The following CLTB variants were observed in gnomAD, a reference collection of about 807,000 sequenced individuals.
CLTB encodes the protein clathrin light chain B, also known as clathrin, light chain (Lcb).
In CLTB, 10 loss-of-function variants were observed where a neutral mutation model predicts 30.5. The observed-to-expected ratio is 0.33, with a 90% CI of 0.20 to 0.56. The LOEUF is 0.56. Ranked by LOEUF, CLTB falls within the 20% of genes least tolerant of loss-of-function variation. CLTB has a pLI of 0.91. For synonymous variants in CLTB, 102 were observed against 120.3 expected (o/e 0.85, Z 1.00); for missense variants, 261 against 308.3 (o/e 0.85, Z 1.15).
At chr5:176,409,320 A>G (rs957915325) in intron 2 of CLTB, among the ~76,000 whole-genome samples, 1 of 146,530 alleles carries the variant, frequency 6.8e-6, no homozygotes, top group Non-Finnish European at 1.5e-5. Context: ...AAAGGACCAT[A>G]CTGTGTATAT....
At chr5:176,410,107 T>A in intron 2 of CLTB, 150 bp downstream of exon 2, 1 of 663,192 alleles carries the variant, frequency 1.5e-6, no homozygotes, top group Non-Finnish European at 2.6e-6. Context: ...ACAAAAAAAA[T>A]TCCAAAAACC....
chr5:176,413,944 C>T lies in CLTB; in HGVS notation c.187+2233G>A, dbSNP rs143676041. Among the ~76,000 whole-genome samples, 810 of 152,304 alleles carry T rather than the reference C, an allele frequency of 5.3e-3. 8 individuals carry two copies. Among genetic ancestry groups the T allele is most frequent in the African/African-American group, 0.018 (742 of 41,552 alleles). ...AGCGAGCGTGTCATTGTTTCTCTCCCTGTCACCTCTGGTCTGAGGCCAATT... is the reference window on the plus strand; with the variant it reads ...AGCGAGCGTGTCATTGTTTCTCTCCTTGTCACCTCTGGTCTGAGGCCAATT... On this transcript the variant is annotated intron_variant, in intron 1 of 5. Coordinates refer to ENST00000310418, the MANE Select transcript of CLTB (RefSeq NM_007097.5).
intron 2 of CLTB, chr5:176,401,637 A>C (rs193202633): frequency 2.3e-6 from 1 of 435,818 alleles, no homozygotes. Context: ...GTCTATCAGA[A>C]AGGGCAGTGG....
At chr5:176,407,797 C>G (rs1757209286) in intron 2 of CLTB, among the ~76,000 whole-genome samples, 1 of 152,216 alleles carries the variant, frequency 6.6e-6, no homozygotes, top group South Asian at 2.1e-4. Context: ...AGACATGAAG[C>G]TGCTGAAGTC....
At chr5:176,398,123 C>A (rs888825894) in intron 2 of CLTB, 76 bp from the exon 3 acceptor site, 56 of 1,347,982 alleles carry the variant, frequency 4.2e-5, no homozygotes, top group Non-Finnish European at 5.8e-5. Flanking sequence ...GCTGGGGACC[C>A]ACTCATGTCT....
At chr5:176,410,732 A>G (rs1415837448) in intron 1 of CLTB, among the ~76,000 whole-genome samples, 1 of 152,112 alleles carries the variant, frequency 6.6e-6, no homozygotes. Flanking sequence ...CAGGGGCTAC[A>G]CTGGATAAGG....
At chr5:176,397,346 C>CT (rs746181119) in intron 4 of CLTB, among the ~76,000 whole-genome samples, 4 of 144,948 alleles carry the variant, frequency 2.8e-5, no homozygotes, top group Non-Finnish European at 3.0e-5. Context: ...GTCCCCACAG[C>CT]CCCTCTCATG....
intron 5 of CLTB, among the ~76,000 whole-genome samples, chr5:176,394,193 ATCCTCGGAGCTG>A (rs1158718247): frequency 6.6e-6 from 1 of 152,226 alleles, no homozygotes; most frequent in Non-Finnish European, 1.5e-5. Context: ...GAGGGGAGCT[ATCCTCGGAGCTG>A]TCCCTTCAGG....
chr5:176,403,713 A>C (rs1756957105), intron 2 of CLTB, among the ~76,000 whole-genome samples: 1 of 148,974 alleles, frequency 6.7e-6, no homozygotes, highest in African/African-American at 2.5e-5. Flanking sequence ...CAGCCTCCCA[A>C]AGTGCTGGGA....
chr5:176,410,723 A>G (rs59038460), intron 1 of CLTB, among the ~76,000 whole-genome samples: 33,267 of 152,046 alleles, frequency 0.22, 3,655 homozygotes, highest in South Asian at 0.3. Flanking sequence ...AGCTCAGGGC[A>G]GGGGCTACAC....
intron 2 of CLTB, among the ~76,000 whole-genome samples, chr5:176,410,006 A>G (rs1757347378): frequency 6.6e-6 from 1 of 152,124 alleles, no homozygotes; most frequent in Admixed American, 6.6e-5. Flanking sequence ...TCTCCCTCCC[A>G]AAACCAGACA....
intron 3 of CLTB, 96 bp downstream of exon 3, chr5:176,397,834 A>AT (rs1325651668): frequency 2.0e-6 from 3 of 1,470,770 alleles, no homozygotes; most frequent in Non-Finnish European, 2.9e-6. Context: ...CCAGTCCCAC[A>AT]TTAAGGCATG....
intron 2 of CLTB, among the ~76,000 whole-genome samples, chr5:176,408,308 T>C (rs1318114467): frequency 6.8e-6 from 1 of 147,146 alleles, no homozygotes; most frequent in Non-Finnish European, 1.5e-5. Context: ...CCGAGGTGGG[T>C]GGATCACTTG....
intron 2 of CLTB, among the ~76,000 whole-genome samples, chr5:176,409,484 G>A (rs1757314972): frequency 7.6e-6 from 1 of 130,794 alleles, no homozygotes; most frequent in Non-Finnish European, 1.5e-5. Context: ...CACAATCTCA[G>A]CTCACTGCAA....
chr5:176,405,291 C>G (rs995959811), intron 2 of CLTB, among the ~76,000 whole-genome samples: 12 of 151,980 alleles, frequency 7.9e-5, no homozygotes, highest in African/African-American at 2.4e-4. Context: ...GAGCTCGAGA[C>G]CAGCCTGGCC....
At chr5:176,414,654 G>A (rs753514855) in intron 1 of CLTB, among the ~76,000 whole-genome samples, 7 of 152,064 alleles carry the variant, frequency 4.6e-5, no homozygotes, top group Non-Finnish European at 1.0e-4. Flanking sequence ...TGTTGCCCAG[G>A]CTCCACAGCA....
chr5:176,396,504 G>A lies in CLTB; in HGVS notation c.493C>T (p.Pro165Ser), dbSNP rs889546779. 6.2e-7 allele frequency: 1 copy of A among 1,614,056 alleles called. No individual in the cohort carries two copies. Among genetic ancestry groups the A allele is most frequent in the Non-Finnish European group, 8.5e-7 (1 of 1,179,968 alleles). ...RIADKAFYQQPDADIIGYVAS... is the reference protein window; with the variant it reads ...RIADKAFYQQSDADIIGYVAS... ...ACGTAGCCGATGATATCAGCATCTG[G>A]CTGCTGGTAGAATGCTTTGTCAGCG... The change falls in exon 5 of 6, where the codon CCA (proline) becomes TCA (serine). Residue 165 changes from proline to serine, a missense_variant. Physicochemically the swap from Pro to Ser is moderately conservative, Grantham distance 74 (BLOSUM62 -1). Transcript: ENST00000310418.
At chr5:176,407,086 A>C (rs1289357443) in intron 2 of CLTB, among the ~76,000 whole-genome samples, 2 of 152,168 alleles carry the variant, frequency 1.3e-5, no homozygotes, top group African/African-American at 4.8e-5. Flanking sequence ...TGAGAATAAG[A>C]GTTCTCACTC....
chr5:176,396,397 T>A, intron 5 of CLTB, 82 bp downstream of exon 5: 1 of 1,247,138 alleles, frequency 8.0e-7, no homozygotes, highest in East Asian at 2.3e-5. Context: ...CTCATTTATA[T>A]CCCACAAGCA....
Sources: allele counts gnomAD v4.1 joint callset (sites outside exome capture counted in the v4.1 genomes callset), GRCh38; gene constraint gnomAD v4.1.1; transcripts MANE v1.5; gene names NCBI Gene and HGNC (gene_info 2026-07-23, HGNC 2026-07-21).